PCDHB11: variants seen among roughly 807,000 people sequenced by gnomAD.
The protein encoded by PCDHB11 is protocadherin beta-11.
For synonymous variants in PCDHB11, 522 were observed against 442.0 expected, an observed-to-expected ratio of 1.18 and a Z score of -2.27; for missense variants, 1,151 against 1,003.4, an observed-to-expected ratio of 1.15 and a Z score of -1.99.
In PCDHB11 at chr5:141,201,640, C is replaced by A. The variant is rs781923185; in HGVS notation, c.1866C>A (p.Gly622=). 6 of 1,606,812 alleles carry A rather than the reference C, an allele frequency of 3.7e-6. No individual in the cohort carries two copies. The highest frequency in any genetic ancestry group is 5.1e-6 in the Non-Finnish European group (6 of 1,179,154). ...TATTCGGCGTGTGGGCGCACAATGG[C>A]GAGGTGCGCACCGCCAGGCTGCTGA... ...PGLFGVWAHN[G]EVRTARLLSE... Residue 622 remains glycine, a synonymous_variant, in exon 1 of 1, where the codon GGC becomes GGA. Transcript: ENST00000354757.
Position 141,202,150 on chromosome 5 carries a change from C to G in PCDHB11, c.2376C>G (p.Ser792Arg). 6.2e-7 allele frequency: 1 copy of G among 1,602,462 alleles called. No homozygotes were observed. The highest frequency in any genetic ancestry group is 8.5e-7 in the Non-Finnish European group (1 of 1,174,246). ...NSEENSTFRN[S>R]FGFNF ...AAGAAAACTCCACCTTTCGAAATAG[C>G]TTTGGATTTAATTTTTAGTAAGAAT... Residue 792 changes from serine to arginine, a missense_variant, in exon 1 of 1, where the codon AGC (serine) becomes AGG (arginine). Coordinates refer to ENST00000354757, the MANE Select transcript of PCDHB11 (RefSeq NM_018931.3).
chr5:141,200,560 G>T lies in PCDHB11; in HGVS notation c.786G>T (p.Leu262Phe). 6.2e-7 allele frequency: 1 copy of T among 1,614,176 alleles called. No individual in the cohort carries two copies. Among genetic ancestry groups the T allele is most frequent in the South Asian group, 1.1e-5 (1 of 91,082 alleles). ...ATAGCATCCTTGGCTCGCTGATTTT[G>T]ATTGTCTCAGCTTGGGATTTAGACT... ...RENSILGSLI[L>F]IVSAWDLDSG... The change falls in exon 1 of 1, where the codon TTG becomes TTT. Residue 262 changes from leucine (L) to phenylalanine (F), a missense_variant. Leu to Phe is a conservative substitution (Grantham distance 22, BLOSUM62 0). Transcript: ENST00000354757.
Position 141,201,940 on chromosome 5 carries a change from G to T in PCDHB11, c.2166G>T (p.Val722=). ...GCAGGAGGAGCAGGGCGGCCTCGGT[G>T]GGAAGCTGCTCGGTGCCTAAGGGCC... ...RLCRRSRAAS[V]GSCSVPKGPF... is the part of the protein sequence containing the mutation. The change falls in exon 1 of 1, where the codon GTG becomes GTT. Residue 722 remains valine, a synonymous_variant. Coordinates refer to ENST00000354757, the MANE Select transcript of PCDHB11 (RefSeq NM_018931.3). The T allele has an allele frequency of 6.2e-7, 1 of 1,614,092 alleles. No homozygotes were observed. Among genetic ancestry groups the T allele is most frequent in the Non-Finnish European group, 8.5e-7 (1 of 1,180,000 alleles).
At position 141,200,147 on chromosome 5, in the gene PCDHB11, G is replaced by A. The variant is rs2149673242; in HGVS notation, c.373G>A (p.Asp125Asn). 1 of 1,614,108 alleles carries A rather than the reference G, an allele frequency of 6.2e-7. No individual in the cohort carries two copies. The highest frequency in any genetic ancestry group is 2.2e-5 in the East Asian group (1 of 44,876). Residue 125 changes from aspartate (D) to asparagine (N), a missense_variant, in exon 1 of 1, where the codon GAT becomes AAT. Asp to Asn is a conservative substitution (Grantham distance 23). Coordinates refer to ENST00000354757, the MANE Select transcript of PCDHB11 (RefSeq NM_018931.3). ...TTTACAAATTGAGCTTCAGGTCAGG[G>A]ATATAAATGATCACTCTCCCATCTT... is the stretch of plus-strand genomic sequence containing the variant. ...QFLQIELQVRDINDHSPIFSE... is the reference protein window; with the variant it reads ...QFLQIELQVRNINDHSPIFSE...
rs782695602 is a variant in PCDHB11, at chr5:141,200,855, C to G, written c.1081C>G (p.Pro361Ala). 2.5e-6 allele frequency: 4 copies of G among 1,614,034 alleles called. No homozygotes were observed. In the African/African-American group the frequency reaches 5.3e-5, roughly 22 times the overall value. The change falls in exon 1 of 1, where the codon CCA becomes GCA. Residue 361 changes from proline (P) to alanine (A), a missense_variant. Transcript: ENST00000354757. ...TACCAGTCCAATCCCAGAAAATACGCCAGAGACCGTGGTTATGGTTTTTAG... is the reference window on the plus strand; with the variant it reads ...TACCAGTCCAATCCCAGAAAATACGGCAGAGACCGTGGTTATGGTTTTTAG... ...SITSPIPENT[P>A]ETVVMVFSIQ...
rs782751741 is a variant in PCDHB11 at position 141,201,296 on chromosome 5, A to T, written c.1522A>T (p.Thr508Ser). ...CCTCGCCTCCCTGGTCTCCATCAAC[A>T]CAGACAACGGCCACCTGTTCGCCCT... ...LPLASLVSIN[T>S]DNGHLFALRS... The change falls in exon 1 of 1, where the codon ACA (threonine) becomes TCA (serine). Residue 508 changes from threonine to serine, a missense_variant. By Grantham distance (58) the Thr-to-Ser change is moderately conservative (BLOSUM62 1). Transcript: ENST00000354757. The T allele has an allele frequency of 1.9e-6, 3 of 1,603,848 alleles. No individual in the cohort carries two copies. Among genetic ancestry groups the T allele is most frequent in the Non-Finnish European group, 2.6e-6 (3 of 1,176,156 alleles).
At position 141,200,374 on chromosome 5, in the gene PCDHB11, G is replaced by A. The variant is rs1347655251; in HGVS notation, c.600G>A (p.Leu200=). The A allele has an allele frequency of 6.8e-6, 11 of 1,614,018 alleles. No homozygotes were observed. The highest frequency in any genetic ancestry group is 8.5e-6 in the Non-Finnish European group (10 of 1,180,016). The change falls in exon 1 of 1, where the codon CTG becomes CTA. Residue 200 remains leucine (L), a synonymous_variant. Coordinates refer to ENST00000354757, the MANE Select transcript of PCDHB11 (RefSeq NM_018931.3). ...CCGAGTTAGTTCTGGACAAGGCGCT[G>A]GATTATGAAGAGCTCCCGGAGCTCA... The part of the protein sequence containing the change: ...KYPELVLDKA[L]DYEELPELSF...
Position 141,200,010 on chromosome 5 carries a change from T to C in PCDHB11, c.236T>C (p.Ile79Thr), listed in dbSNP as rs1554285189. The change falls in exon 1 of 1, where the codon ATA becomes ACA. Residue 79 changes from isoleucine to threonine, a missense_variant. Coordinates refer to ENST00000354757, the MANE Select transcript of PCDHB11 (RefSeq NM_018931.3). The stretch of plus-strand genomic sequence containing the variant: ...AAGAAACAGCGTTTGCAGCTGGACA[T>C]AAACACTGGGGATTTGCTCTTAAGT... ...NDKKQRLQLD[I>T]NTGDLLLSET... The C allele has an allele frequency of 6.2e-7, 1 of 1,614,108 alleles. No individual in the cohort carries two copies. Among genetic ancestry groups the C allele is most frequent in the Admixed American group, 1.7e-5 (1 of 60,010 alleles).
rs544485260 is a variant in PCDHB11 at position 141,201,487 on chromosome 5, C to A, written c.1713C>A (p.Pro571=). 6.4e-5 allele frequency: 103 copies of A among 1,609,280 alleles called. No homozygotes were observed. The highest frequency in any genetic ancestry group is 2.3e-4 in the Middle Eastern group (1 of 4,432). ...ACCCGCTGCAGAACGGCTCCGCGCC[C>A]TGCACCGAGCTGGTGCCCCGGGCGG... ...VLYPLQNGSA[P]CTELVPRAAE... The change falls in exon 1 of 1, where the codon CCC becomes CCA. Residue 571 remains proline, a synonymous_variant. Transcript: ENST00000354757.
rs782153170 is a variant in PCDHB11 at position 141,201,240 on chromosome 5, C to G, written c.1466C>G (p.Ser489Trp). ...DSGTNAQVNY[S>W]LLPPQDLHLP... ...GGCACCAACGCCCAGGTCAACTACT[C>G]GCTACTCCCGCCCCAGGACCTGCAC... Residue 489 changes from serine (S) to tryptophan (W), a missense_variant, in exon 1 of 1, where the codon TCG becomes TGG. Physicochemically the swap from Ser to Trp is radical, Grantham distance 177 (BLOSUM62 -3). Transcript: ENST00000354757. 1.9e-6 allele frequency: 3 copies of G among 1,613,302 alleles called. No individual in the cohort carries two copies. Among genetic ancestry groups the G allele is most frequent in the Non-Finnish European group, 2.5e-6 (3 of 1,180,050 alleles).
chr5:141,199,644 C>A lies in PCDHB11; in HGVS notation c.-131C>A. Reference sequence around the variant, plus strand: ...GAATCAGAAGACAGAAACAACAAGCCTTCAAGAGGGTGACCTGGAAACCAT... The same window carrying A: ...GAATCAGAAGACAGAAACAACAAGCATTCAAGAGGGTGACCTGGAAACCAT... On this transcript the variant is annotated 5_prime_UTR_variant, in exon 1 of 1. Transcript: ENST00000354757. The A allele has an allele frequency of 1.4e-6, 1 of 730,808 alleles. No individual in the cohort carries two copies. Among genetic ancestry groups the A allele is most frequent in the Non-Finnish European group, 2.2e-6 (1 of 452,278 alleles). 45.3% of individuals were successfully genotyped at this position (730,808 alleles called of 1,614,324 possible).
At position 141,201,323 on chromosome 5, in the gene PCDHB11, A is replaced by C. The variant is rs1554285564; in HGVS notation, c.1549A>C (p.Arg517=). ...NTDNGHLFAL[R]SLDYEALQAF... ...AGACAACGGCCACCTGTTCGCCCTC[A>C]GGTCGCTGGACTACGAGGCCCTGCA... The change falls in exon 1 of 1, where the codon AGG becomes CGG. Residue 517 remains arginine (R), a synonymous_variant. Transcript: ENST00000354757. The C allele has an allele frequency of 6.2e-7, 1 of 1,613,394 alleles. No individual in the cohort carries two copies. The highest frequency in any genetic ancestry group is 1.7e-5 in the Admixed American group (1 of 59,996).
Position 141,201,051 on chromosome 5 carries a change from TG to T in PCDHB11, c.1281del (p.Ile428TyrfsTer4). 6.2e-7 allele frequency: 1 copy of T among 1,614,190 alleles called. No homozygotes were observed. Among genetic ancestry groups the T allele is most frequent in the Non-Finnish European group, 8.5e-7 (1 of 1,180,042 alleles). On this transcript the variant is annotated frameshift_variant, in exon 1 of 1. Transcript: ENST00000354757. LOFTEE classifies it low-confidence loss of function (END_TRUNC). ...AATATCACCATCACCGTCACCGACT[TG>T]GGGATACCCAGGCTGAAAACCGAGC... ...EYNITITVTD[L>X]GIPRLKTEHN...
Position 141,201,145 on chromosome 5 carries a change from C to A in PCDHB11, c.1371C>A (p.Thr457=), listed in dbSNP as rs1554285509. The change falls in exon 1 of 1, where the codon ACC becomes ACA. Residue 457 remains threonine, a synonymous_variant. Coordinates refer to ENST00000354757, the MANE Select transcript of PCDHB11 (RefSeq NM_018931.3). ...NAPTFTQTSY[T]LFVRENNSPA... ...CCACCTTCACCCAAACCTCCTACACCCTGTTCGTCCGCGAGAACAACAGCC... is the reference window on the plus strand; with the variant it reads ...CCACCTTCACCCAAACCTCCTACACACTGTTCGTCCGCGAGAACAACAGCC... 1 of 1,613,760 alleles carries A rather than the reference C, an allele frequency of 6.2e-7. No individual in the cohort carries two copies.
rs1371822776 is a variant in PCDHB11, at chr5:141,202,108, T to A, written c.2334T>A (p.Gly778=). 3 of 1,614,026 alleles carry A rather than the reference T, an allele frequency of 1.9e-6. No individual in the cohort carries two copies. Among genetic ancestry groups the A allele is most frequent in the Non-Finnish European group, 1.7e-6 (2 of 1,180,020 alleles). The change falls in exon 1 of 1, where the codon GGT becomes GGA. Residue 778 remains glycine (G), a synonymous_variant. Coordinates refer to ENST00000354757, the MANE Select transcript of PCDHB11 (RefSeq NM_018931.3). The part of the protein sequence containing the change: ...KPVIPNIQAK[G]LGKNSEENST... ...TTATCCCTAATATCCAGGCAAAAGG[T>A]CTTGGGAAGAATAGTGAAGAAAACT...
rs782776198 is a variant in PCDHB11 at position 141,201,363 on chromosome 5, G to A, written c.1589G>A (p.Arg530His). The part of the protein sequence containing the change: ...DYEALQAFDF[R>H]VGATDRGSPA... ...GAGGCCCTGCAGGCTTTCGACTTCC[G>A]CGTGGGCGCCACAGACCGCGGCTCC... The change falls in exon 1 of 1, where the codon CGC becomes CAC. Residue 530 changes from arginine (R) to histidine (H), a missense_variant. Coordinates refer to ENST00000354757, the MANE Select transcript of PCDHB11 (RefSeq NM_018931.3). The A allele has an allele frequency of 6.2e-7, 1 of 1,612,940 alleles. No individual in the cohort carries two copies. Among genetic ancestry groups the A allele is most frequent in the Non-Finnish European group, 8.5e-7 (1 of 1,179,896 alleles).
rs782268417 is a variant in PCDHB11 at position 141,200,922 on chromosome 5, G to A, written c.1148G>A (p.Cys383Tyr). Reference sequence around the variant, plus strand: ...TCTGGGGACAACGGAAGAATTGTTTGTTCCATTCCGGAAGACCTCCCATTC... The same window carrying A: ...TCTGGGGACAACGGAAGAATTGTTTATTCCATTCCGGAAGACCTCCCATTC... ...IDSGDNGRIV[C>Y]SIPEDLPFVL... The change falls in exon 1 of 1, where the codon TGT becomes TAT. Residue 383 changes from cysteine (C) to tyrosine (Y), a missense_variant. Transcript: ENST00000354757. 6 of 1,614,156 alleles carry A rather than the reference G, an allele frequency of 3.7e-6. No individual in the cohort carries two copies. Among genetic ancestry groups the A allele is most frequent in the Non-Finnish European group, 5.1e-6 (6 of 1,180,020 alleles).
rs549928209 is a variant in PCDHB11, at chr5:141,199,956, C to G, written c.182C>G (p.Ser61Ter). 8 of 1,614,112 alleles carry G rather than the reference C, an allele frequency of 5.0e-6. No homozygotes were observed. The South Asian group carries it at 7.7e-5, about 16-fold the overall frequency. ...GGGCTGAAGGTGAGAGAACTGTCCT[C>G]ACGGGGGGCTCGGGTGGTCTCTAAT... ...DLGLKVRELS[S>*]RGARVVSNDK... is the part of the protein sequence containing the mutation. Residue 61 changes from serine (S) to a stop codon, truncating the protein, a stop_gained, in exon 1 of 1, where the codon TCA (serine) becomes TGA (stop). Coordinates refer to ENST00000354757, the MANE Select transcript of PCDHB11 (RefSeq NM_018931.3). LOFTEE classifies it low-confidence loss of function (END_TRUNC).
In PCDHB11 at chr5:141,201,174, C is replaced by G; in HGVS notation, c.1400C>G (p.Ala467Gly). The part of the protein sequence containing the change: ...TLFVRENNSP[A>G]LHIGSVSATD... ...TTCGTCCGCGAGAACAACAGCCCCG[C>G]CCTGCACATCGGCAGTGTCAGCGCT... The change falls in exon 1 of 1, where the codon GCC becomes GGC. Residue 467 changes from alanine to glycine, a missense_variant. Coordinates refer to ENST00000354757, the MANE Select transcript of PCDHB11 (RefSeq NM_018931.3). 6.2e-7 allele frequency: 1 copy of G among 1,613,622 alleles called. No homozygotes were observed.
Sources: gnomAD v4.1 joint callset for allele counts on GRCh38, gnomAD v4.1.1 for gene constraint, MANE v1.5 for transcripts, NCBI Gene and HGNC (gene_info 2026-07-23, HGNC 2026-07-21) for gene names.